Variants in EIF2B3 observed in about 807,000 individuals in gnomAD.
The protein encoded by EIF2B3 is eukaryotic translation initiation factor 2B subunit gamma.
In EIF2B3, 20 loss-of-function variants were observed where a neutral mutation model predicts 54.1. The ratio of observed to expected loss-of-function variants is 0.37; its 90% CI spans 0.26 to 0.54. The LOEUF is 0.54. EIF2B3 is among the 20% of genes least tolerant of loss of function. EIF2B3 has a pLI of 0.86. For synonymous variants in EIF2B3, 153 were observed against 188.1 expected, an observed-to-expected ratio of 0.81 and a Z score of 1.52; for missense variants, 448 against 547.8, an observed-to-expected ratio of 0.82 and a Z score of 1.82.
At chr1:44,915,142 T>C (rs930891199) in intron 5 of EIF2B3, among the ~76,000 whole-genome samples, 2 of 151,394 alleles carry the variant, frequency 1.3e-5, no homozygotes, top group Non-Finnish European at 3.0e-5. Context: ...CTACTTAAAA[T>C]ACAAAAATTA....
At chr1:44,913,575 G>C (rs944531482) in intron 5 of EIF2B3, among the ~76,000 whole-genome samples, 1 of 151,856 alleles carries the variant, frequency 6.6e-6, no homozygotes, top group Admixed American at 6.6e-5. Flanking sequence ...CATGAAAAAA[G>C]TTCACTGTAG....
chr1:44,964,256 G>A (rs534450070), intron 3 of EIF2B3, among the ~76,000 whole-genome samples: 1 of 152,208 alleles, frequency 6.6e-6, no homozygotes, highest in East Asian at 1.9e-4. Context: ...TGAGGCTGTC[G>A]TAAGCAACCA....
Position 44,941,680 on chromosome 1 carries a change from T to G in EIF2B3, c.295-15A>C, listed in dbSNP as rs1443149194. ...AGCACATCTGTCTGTTAAATGGAGA[T>G]GGGAAAAGTCAATATCATAAAGGAC... On this transcript the variant is annotated splice_polypyrimidine_tract_variant and intron_variant, in intron 3 of 11. Transcript: ENST00000360403. 1.9e-6 allele frequency: 3 copies of G among 1,614,048 alleles called. No individual in the cohort carries two copies. Among genetic ancestry groups the G allele is most frequent in the Non-Finnish European group, 2.5e-6 (3 of 1,180,004 alleles).
chr1:44,858,345 G>A (rs1402485873), intron 10 of EIF2B3, among the ~76,000 whole-genome samples: 1 of 152,008 alleles, frequency 6.6e-6, no homozygotes, highest in Non-Finnish European at 1.5e-5. Context: ...CTTCTCATCT[G>A]GGAATATATA....
intron 3 of EIF2B3, among the ~76,000 whole-genome samples, chr1:44,972,755 C>A (rs1644415454): frequency 6.6e-6 from 1 of 152,124 alleles, no homozygotes; most frequent in Non-Finnish European, 1.5e-5. Flanking sequence ...GCAACCTTCA[C>A]CTCTCGAGCA....
chr1:44,926,343 A>G (rs1365301038), intron 5 of EIF2B3, among the ~76,000 whole-genome samples: 1 of 151,442 alleles, frequency 6.6e-6, no homozygotes, highest in Non-Finnish European at 1.5e-5. Context: ...TTTTTTTTTT[A>G]AAGGGGATTT....
chr1:44,974,385 A>G (rs1355058227), intron 3 of EIF2B3, among the ~76,000 whole-genome samples: 1 of 151,334 alleles, frequency 6.6e-6, no homozygotes, highest in African/African-American at 2.4e-5. Flanking sequence ...AGGTAGGAGG[A>G]TCACCTGAGC....
Position 44,919,809 on chromosome 1 carries a change from C to T in EIF2B3, c.566+6819G>A, listed in dbSNP as rs898516792. On this transcript the variant is annotated intron_variant, in intron 5 of 11. Transcript: ENST00000360403. ...TCGGCTCACCGCAATCTCCACCTCC[C>T]GGGTTCAAGCGATTCTCCTGCCTCA... Among the ~76,000 whole-genome samples, 12 of 150,280 alleles carry T rather than the reference C, an allele frequency of 8.0e-5. No individual in the cohort carries two copies. The East Asian group carries it at 1.2e-3, about 15-fold the overall frequency.
intron 6 of EIF2B3, among the ~76,000 whole-genome samples, chr1:44,892,816 C>T (rs180882320): frequency 6.6e-6 from 1 of 152,250 alleles, no homozygotes; most frequent in Admixed American, 6.5e-5. Flanking sequence ...GTCACATACT[C>T]TTAGCTTAAT....
intron 3 of EIF2B3, chr1:44,959,094 C>T: frequency 3.9e-6 from 3 of 770,590 alleles, no homozygotes; most frequent in South Asian, 2.8e-5. Flanking sequence ...TCTATGATAG[C>T]CTTAGGCTAC....
chr1:44,878,272 CT>C (rs1189251220), intron 8 of EIF2B3, among the ~76,000 whole-genome samples: 2 of 151,728 alleles, frequency 1.3e-5, no homozygotes, highest in East Asian at 3.9e-4. Flanking sequence ...TTTTCTTTTT[CT>C]TTTTTTTGAG....
chr1:44,851,212 C>T (rs1035276632), intron 11 of EIF2B3, among the ~76,000 whole-genome samples: 1 of 151,938 alleles, frequency 6.6e-6, no homozygotes, highest in East Asian at 1.9e-4. Flanking sequence ...TTACAGGCGC[C>T]CGCCACCACG....
At position 44,874,785 on chromosome 1, in the gene EIF2B3, T is replaced by C. The variant is rs1267162189; in HGVS notation, c.1095A>G (p.Gly365=). Residue 365 remains glycine, a synonymous_variant, in exon 10 of 12, where the codon GGA becomes GGG. Coordinates refer to ENST00000360403, the MANE Select transcript of EIF2B3 (RefSeq NM_020365.5). The part of the protein sequence containing the change: ...DSLIGPETQI[G]EKSSIKRSVI... ...CTGAGCGCTTAATGGATGACTTCTC[T>C]CCAATCTGTGTCTCTGGCCCAATGA... 2 of 1,614,134 alleles carry C rather than the reference T, an allele frequency of 1.2e-6. No individual in the cohort carries two copies. Among genetic ancestry groups the C allele is most frequent in the South Asian group, 2.2e-5 (2 of 91,074 alleles).
intron 8 of EIF2B3, among the ~76,000 whole-genome samples, chr1:44,877,189 C>CAAGAAAAA (rs1655196149): frequency 3.4e-5 from 1 of 29,464 alleles, no homozygotes; most frequent in Non-Finnish European, 6.2e-5. Context: ...CAAGAATGAT[C>CAAGAAAAA]AATAAAAAAA....
chr1:44,878,732 T>C (rs770392695), intron 8 of EIF2B3, among the ~76,000 whole-genome samples: 50 of 151,962 alleles, frequency 3.3e-4, no homozygotes, highest in South Asian at 6.2e-4. Context: ...TGTAGTTCCC[T>C]CAATTATTTA....
At chr1:44,906,205 T>G (rs559882026) in intron 5 of EIF2B3, among the ~76,000 whole-genome samples, 2 of 152,058 alleles carry the variant, frequency 1.3e-5, no homozygotes, top group Non-Finnish European at 2.9e-5. Flanking sequence ...TGAGGTAGAG[T>G]CTATTTTCTC....
intron 3 of EIF2B3, among the ~76,000 whole-genome samples, chr1:44,975,592 T>C (rs1321370475): frequency 2.0e-5 from 3 of 152,230 alleles, no homozygotes; most frequent in Non-Finnish European, 2.9e-5. Flanking sequence ...TGGGACCACA[T>C]ATGTGGCCAG....
chr1:44,963,640 T>G (rs1394318741), intron 3 of EIF2B3, among the ~76,000 whole-genome samples: 1 of 152,160 alleles, frequency 6.6e-6, no homozygotes, highest in East Asian at 1.9e-4. Flanking sequence ...CTACTTCAAA[T>G]GAACTCTCTG....
intron 2 of EIF2B3, 133 bp downstream of exon 2, chr1:44,980,888 C>T (rs1039404523): frequency 9.3e-7 from 1 of 1,073,208 alleles, no homozygotes; most frequent in Non-Finnish European, 1.4e-6. Context: ...AGTACTCCTA[C>T]ATTCCTTAAA....
Sources: allele counts gnomAD v4.1 joint callset (sites outside exome capture counted in the v4.1 genomes callset), GRCh38; gene constraint gnomAD v4.1.1; transcripts MANE v1.5; gene names NCBI Gene and HGNC (gene_info 2026-07-23, HGNC 2026-07-21).